The following MAP4 variants were observed in gnomAD, a reference collection of about 807,000 sequenced individuals.
MAP4 encodes microtubule-associated protein 4.
In MAP4, 76 loss-of-function variants were observed where a neutral mutation model predicts 170.2. That is an observed-to-expected ratio of 0.45 (90% CI 0.37 to 0.54). MAP4 has a LOEUF of 0.54. Among genes scored for constraint, MAP4 ranks in the 20% least tolerant of loss-of-function variants. The pLI is 0.00. For synonymous variants in MAP4, 909 were observed against 994.5 expected (o/e 0.91, Z 1.62); for missense variants, 2,506 against 2,748.0 (o/e 0.91, Z 1.97).
rs527367667 is a variant in MAP4, at chr3:47,975,892, C to T, written c.292+1973G>A. On this transcript the variant is annotated intron_variant, in intron 3 of 20. Transcript: ENST00000683076. Reference sequence around the variant, plus strand: ...GAAACCTCCGCCTCCTGGGTTCAAGCGATTCTTCTGCCTCAGCCTCCCAAG... The same window carrying T: ...GAAACCTCCGCCTCCTGGGTTCAAGTGATTCTTCTGCCTCAGCCTCCCAAG... 7.1e-4 allele frequency among the ~76,000 whole-genome samples: 108 copies of T among 151,610 alleles called. 1 individual carries two copies. Among genetic ancestry groups the T allele is most frequent in the African/African-American group, 2.5e-3 (105 of 41,314 alleles).
chr3:47,992,577 ACTACCAC>A (rs2100092990), intron 2 of MAP4, among the ~76,000 whole-genome samples: 1 of 152,026 alleles, frequency 6.6e-6, no homozygotes, highest in Admixed American at 6.6e-5. Flanking sequence ...ACAGGCGCAC[ACTACCAC>A]GCCCAGCTAT....
chr3:48,055,176 G>GTCTCCCTCTCCC (rs145682966), intron 1 of MAP4, among the ~76,000 whole-genome samples: 1 of 146,414 alleles, frequency 6.8e-6, no homozygotes, highest in Non-Finnish European at 1.5e-5. Context: ...TCTTTAAAAA[G>GTCTCCCTCTCCC]TCTCCCTCTC....
At chr3:48,012,194 G>A (rs1404235084) in intron 1 of MAP4, among the ~76,000 whole-genome samples, 3 of 152,074 alleles carry the variant, frequency 2.0e-5, no homozygotes, top group Admixed American at 2.0e-4. Flanking sequence ...CCAATAAAGA[G>A]CCCCAGGCTC....
chr3:47,938,178 C>T (rs2100054139), intron 3 of MAP4, among the ~76,000 whole-genome samples: 1 of 151,444 alleles, frequency 6.6e-6, no homozygotes. Flanking sequence ...TAGAGACCAG[C>T]CTGGCCAACA....
chr3:47,970,695 C>T (rs2100078141), intron 3 of MAP4, among the ~76,000 whole-genome samples: 1 of 151,892 alleles, frequency 6.6e-6, no homozygotes, highest in South Asian at 2.1e-4. Flanking sequence ...CCTGTAATCC[C>T]AGCTACAGCA....
chr3:48,047,164 T>C (rs1203743686), intron 1 of MAP4, among the ~76,000 whole-genome samples: 1 of 152,074 alleles, frequency 6.6e-6, no homozygotes, highest in Non-Finnish European at 1.5e-5. Flanking sequence ...ATGAAGTTGT[T>C]ATGAGGGATG....
In MAP4 at chr3:47,853,344, G is replaced by A. The variant is rs529448080; in HGVS notation, c.6705C>T (p.Gly2235=). 31 of 1,604,422 alleles carry A rather than the reference G, an allele frequency of 1.9e-5. No homozygotes were observed. Among genetic ancestry groups the A allele is most frequent in the South Asian group, 1.8e-4 (16 of 90,516 alleles). The change falls in exon 20 of 21, where the codon GGC becomes GGT. Residue 2235 remains glycine (G), a synonymous_variant. Transcript: ENST00000683076. ...GACACAGAGGAGCCTCGCTGCCACC[G>A]CCCTCAGTCTACAATGAAACAGTGG... ...LPAGGAVKTE[G]GGSEAPLCPG...
At chr3:48,056,945 G>T (rs2100132304) in intron 1 of MAP4, among the ~76,000 whole-genome samples, 1 of 128,508 alleles carries the variant, frequency 7.8e-6, no homozygotes, top group African/African-American at 3.0e-5. Context: ...GGGGGGTTCA[G>T]CCCCCCGCCC....
At chr3:47,854,589 C>T (rs1247387256) in intron 19 of MAP4, among the ~76,000 whole-genome samples, 1 of 152,212 alleles carries the variant, frequency 6.6e-6, no homozygotes, top group Non-Finnish European at 1.5e-5. Flanking sequence ...ATAGGACAGA[C>T]AGCATCTTGG....
Position 47,910,761 on chromosome 3 carries a change from CT to C in MAP4, c.3659del (p.Lys1220SerfsTer41), listed in dbSNP as rs1444124560. On this transcript the variant is annotated frameshift_variant, in exon 9 of 21. Transcript: ENST00000683076. LOFTEE classifies it high-confidence loss of function. ...GCTGTGTGGAATAATTATTTTTAAA[CT>C]TTTTGCTTTTGCCTTCATTGCCTCT... ...KKRGNEGKSK[K>X]FKNNYSTQPA... The C allele has an allele frequency of 6.5e-7, 1 of 1,535,944 alleles. No individual in the cohort carries two copies. Among genetic ancestry groups the C allele is most frequent in the African/African-American group, 1.4e-5 (1 of 73,024 alleles).
chr3:47,853,002 GA>G, intron 20 of MAP4, 64 bp from the exon 21 acceptor site: 2 of 1,614,232 alleles, frequency 1.2e-6, no homozygotes, highest in Non-Finnish European at 1.7e-6. Flanking sequence ...GAACACGGGG[GA>G]GACGGAAGAC....
At chr3:47,957,326 C>T (rs561710172) in intron 3 of MAP4, among the ~76,000 whole-genome samples, 22 of 152,266 alleles carry the variant, frequency 1.4e-4, no homozygotes, top group Non-Finnish European at 2.6e-4. Flanking sequence ...TGCCACCATG[C>T]CCGGCTAATT....
chr3:48,003,718 A>G (rs939310183), intron 1 of MAP4, among the ~76,000 whole-genome samples: 1 of 152,114 alleles, frequency 6.6e-6, no homozygotes, highest in Non-Finnish European at 1.5e-5. Flanking sequence ...CATCAACTTG[A>G]TTGGAATAAA....
At position 48,072,003 on chromosome 3, in the gene MAP4, T is replaced by C. The variant is rs529476962; in HGVS notation, c.-20+16770A>G. ...TGGGAGGCCCAGGCAGGTGGATCGC[T>C]TGAGGTCAGGAGTTCGAGACCAGCC... is the stretch of plus-strand genomic sequence containing the variant. On this transcript the variant is annotated intron_variant, in intron 1 of 18. Transcript: ENST00000360240. Among the ~76,000 whole-genome samples, 7 of 152,148 alleles carry C rather than the reference T, an allele frequency of 4.6e-5. No homozygotes were observed. The South Asian group carries it at 1.2e-3, about 27-fold the overall frequency.
At chr3:48,042,628 G>C (rs1033385655) in intron 1 of MAP4, among the ~76,000 whole-genome samples, 1 of 152,060 alleles carries the variant, frequency 6.6e-6, no homozygotes, top group Non-Finnish European at 1.5e-5. Flanking sequence ...TTTTAGATGT[G>C]GCAAGAACTG....
chr3:48,087,816 A>G lies in MAP4; in HGVS notation c.-20+957T>C, dbSNP rs187451628. On this transcript the variant is annotated intron_variant, in intron 1 of 18. Transcript: ENST00000360240. ...TGCAATGCTATGCAACCAGGGAGAG[A>G]GAATCGAGAGGCCCTGGGGAGCAAT... is the stretch of plus-strand genomic sequence containing the variant. Among the ~76,000 whole-genome samples the G allele has an allele frequency of 2.6e-5, 4 of 152,164 alleles. No individual in the cohort carries two copies. In the East Asian group the frequency reaches 5.8e-4, roughly 22 times the overall value.
intron 1 of MAP4, among the ~76,000 whole-genome samples, chr3:48,040,729 A>G (rs1440986748): frequency 6.6e-6 from 1 of 150,996 alleles, no homozygotes; most frequent in Non-Finnish European, 1.5e-5. Context: ...ACACCCAGCT[A>G]ATTTTTGTAT....
chr3:47,915,821 C>T, intron 7 of MAP4, 130 bp downstream of exon 7: 1 of 972,560 alleles, frequency 1.0e-6, no homozygotes, highest in South Asian at 1.7e-5. Flanking sequence ...TCTAGGAGAG[C>T]AGGAGTATGA....
chr3:48,028,234 G>A (rs1040908155), intron 1 of MAP4, among the ~76,000 whole-genome samples: 1 of 152,180 alleles, frequency 6.6e-6, no homozygotes, highest in Non-Finnish European at 1.5e-5. Flanking sequence ...GGAGGTTGTA[G>A]CGAGCCAAAA....
Sources: allele counts gnomAD v4.1 joint callset (sites outside exome capture counted in the v4.1 genomes callset), GRCh38; gene constraint gnomAD v4.1.1; transcripts MANE v1.5; gene names NCBI Gene and HGNC (gene_info 2026-07-23, HGNC 2026-07-21).